The following FAM227B variants were observed in gnomAD, a reference collection of about 807,000 sequenced individuals.
FAM227B encodes protein FAM227B.
A neutral mutation model predicts 73.8 loss-of-function variants in FAM227B; 88 were observed. That is an observed-to-expected ratio of 1.19 (90% CI 1.00 to 1.42). The LOEUF (loss-of-function observed/expected upper bound fraction) is 1.42, where lower values mean the gene tolerates loss of function less well. Ranked by LOEUF, FAM227B falls within the 40% of genes most tolerant of loss-of-function variation. The pLI is 0.00. For missense variants in FAM227B, 632 were observed against 590.9 expected, an observed-to-expected ratio of 1.07 and a Z score of -0.72; for synonymous variants, 210 against 190.5, an observed-to-expected ratio of 1.10 and a Z score of -0.84.
chr15:49,499,981 T>TA (rs950059031), intron 11 of FAM227B, among the ~76,000 whole-genome samples: 2 of 152,162 alleles, frequency 1.3e-5, no homozygotes, highest in Non-Finnish European at 2.9e-5. Flanking sequence ...CAAACTATAT[T>TA]AAAAAATTGA....
chr15:49,383,564 A>C lies in FAM227B; in HGVS notation c.1013-12165T>G, dbSNP rs182918921. 1.4e-3 allele frequency among the ~76,000 whole-genome samples: 220 copies of C among 152,214 alleles called. 1 individual carries two copies. The highest frequency in any genetic ancestry group is 5.0e-3 in the African/African-American group (209 of 41,548). On this transcript the variant is annotated intron_variant, in intron 11 of 15. Transcript: ENST00000299338. ...AATGGTCTTACACAAAGCCTGCAAT[A>C]TCTCTGAGGTATGCCTATATTTTAT...
At chr15:49,479,229 A>G (rs1467233252) in intron 11 of FAM227B, among the ~76,000 whole-genome samples, 4 of 148,364 alleles carry the variant, frequency 2.7e-5, no homozygotes, top group East Asian at 2.0e-4. Flanking sequence ...TTCATGTTCT[A>G]TTGCATGAGC....
intron 5 of FAM227B, among the ~76,000 whole-genome samples, chr15:49,580,773 T>C (rs2075759421): frequency 6.6e-6 from 1 of 152,116 alleles, no homozygotes; most frequent in Admixed American, 6.6e-5. Flanking sequence ...GTTGAAATGA[T>C]AATTTTAAGA....
intron 1 of FAM227B, among the ~76,000 whole-genome samples, chr15:49,617,335 G>A (rs915654932): frequency 2.6e-5 from 4 of 152,104 alleles, no homozygotes; most frequent in Admixed American, 2.6e-4. Context: ...CTCATAGAGA[G>A]CTATAATAAG....
At chr15:49,419,667 C>A (rs2049460507) in intron 11 of FAM227B, among the ~76,000 whole-genome samples, 1 of 152,178 alleles carries the variant, frequency 6.6e-6, no homozygotes, top group African/African-American at 2.4e-5. Flanking sequence ...ACATGGAGAT[C>A]CTGCCTGCCT....
At chr15:49,473,370 T>C (rs186047247) in intron 11 of FAM227B, among the ~76,000 whole-genome samples, 5 of 152,260 alleles carry the variant, frequency 3.3e-5, no homozygotes, top group East Asian at 3.9e-4. Flanking sequence ...TTGAGTTAAA[T>C]ATAAGTTATT....
At chr15:49,550,898 G>A (rs1029578852) in intron 9 of FAM227B, among the ~76,000 whole-genome samples, 10 of 152,146 alleles carry the variant, frequency 6.6e-5, no homozygotes, top group Non-Finnish European at 1.2e-4. Context: ...GGCAGAGGCT[G>A]CAATCTCGGC....
At chr15:49,461,967 C>T (rs1465282343) in intron 11 of FAM227B, among the ~76,000 whole-genome samples, 7 of 152,044 alleles carry the variant, frequency 4.6e-5, no homozygotes, top group South Asian at 2.1e-4. Context: ...GTAAGGAGTT[C>T]GAGACCAGCC....
At chr15:49,411,508 C>A in intron 11 of FAM227B, among the ~76,000 whole-genome samples, 1 of 151,888 alleles carries the variant, frequency 6.6e-6, no homozygotes, top group Non-Finnish European at 1.5e-5. Context: ...TTTATTGTCA[C>A]AATATGTCGA....
At chr15:49,427,586 A>G (rs965555550) in intron 11 of FAM227B, among the ~76,000 whole-genome samples, 1 of 152,024 alleles carries the variant, frequency 6.6e-6, no homozygotes, top group Non-Finnish European at 1.5e-5. Flanking sequence ...GCTATGCAAA[A>G]TATAATTATT....
chr15:49,377,709 A>T (rs1395740924), intron 11 of FAM227B, among the ~76,000 whole-genome samples: 1 of 151,942 alleles, frequency 6.6e-6, no homozygotes, highest in African/African-American at 2.4e-5. Context: ...TAGATTATTC[A>T]ATTCTTTTCC....
chr15:49,443,657 G>A (rs1266277070), intron 11 of FAM227B, among the ~76,000 whole-genome samples: 1 of 151,694 alleles, frequency 6.6e-6, no homozygotes, highest in African/African-American at 2.4e-5. Flanking sequence ...TGAGAAGTGA[G>A]TGAAGTTCCA....
intron 15 of FAM227B, 119 bp downstream of exon 15, chr15:49,331,661 A>G (rs1306924822): frequency 2.3e-5 from 15 of 657,202 alleles, no homozygotes. Flanking sequence ...ACAAGAATGT[A>G]TCCTCTCCTG....
intron 11 of FAM227B, chr15:49,484,760 C>A (rs1057636): frequency 0.3 from 96,323 of 318,996 alleles, 15,931 homozygotes; most frequent in African/African-American, 0.45. Context: ...ACTGGTTGTA[C>A]AATCATGATG....
chr15:49,619,835 C>T (rs1179315241), intron 1 of FAM227B, among the ~76,000 whole-genome samples: 1 of 152,206 alleles, frequency 6.6e-6, no homozygotes, highest in Non-Finnish European at 1.5e-5. Flanking sequence ...CCCTAAATCA[C>T]TGGCTTTCAA....
At chr15:49,537,134 T>C (rs2070385311) in intron 10 of FAM227B, among the ~76,000 whole-genome samples, 1 of 152,094 alleles carries the variant, frequency 6.6e-6, no homozygotes, top group South Asian at 2.1e-4. Flanking sequence ...AATGGCAACC[T>C]ATGAATTAGG....
At chr15:49,529,715 A>G (rs2060470614) in intron 10 of FAM227B, among the ~76,000 whole-genome samples, 1 of 151,704 alleles carries the variant, frequency 6.6e-6, no homozygotes, top group East Asian at 1.9e-4. Flanking sequence ...CATCACAAGT[A>G]TCTCTCAAAT....
At chr15:49,383,698 A>G (rs1443522512) in intron 11 of FAM227B, among the ~76,000 whole-genome samples, 1 of 152,184 alleles carries the variant, frequency 6.6e-6, no homozygotes, top group Non-Finnish European at 1.5e-5. Context: ...ACCTCAGTAG[A>G]TAACAGATGA....
chr15:49,345,143 A>T (rs2041279274), intron 13 of FAM227B, among the ~76,000 whole-genome samples: 2 of 152,174 alleles, frequency 1.3e-5, no homozygotes, highest in Admixed American at 6.5e-5. Context: ...GAGGTGATGT[A>T]TTTGTCACTT....
Sources: gnomAD v4.1 joint callset for allele counts (sites outside exome capture counted in the v4.1 genomes callset) on GRCh38, gnomAD v4.1.1 for gene constraint, MANE v1.5 for transcripts, NCBI Gene and HGNC (gene_info 2026-07-23, HGNC 2026-07-21) for gene names.